Variants in DOCK4 observed in about 807,000 individuals in gnomAD.
DOCK4 encodes dedicator of cytokinesis protein 4.
DOCK4 carries 97 observed loss-of-function variants against 268.1 expected under a neutral mutation model. The observed-to-expected ratio is 0.36, with a 90% CI of 0.31 to 0.43. The LOEUF is 0.43. Among genes scored for constraint, DOCK4 ranks in the 20% least tolerant of loss-of-function variants. DOCK4 has a pLI of 1.00. For missense variants in DOCK4, 2,145 were observed against 2,455.7 expected, an observed-to-expected ratio of 0.87 and a Z score of 2.67; for synonymous variants, 954 against 887.2, an observed-to-expected ratio of 1.08 and a Z score of -1.34.
At chr7:111,824,802 A>C (rs1033338355) in intron 26 of DOCK4, among the ~76,000 whole-genome samples, 1 of 152,188 alleles carries the variant, frequency 6.6e-6, no homozygotes, top group Non-Finnish European at 1.5e-5. Context: ...TTTATCTCCC[A>C]CTATAAAAGG....
At chr7:111,741,991 A>G in intron 45 of DOCK4, 22 bp downstream of exon 45, 1 of 1,545,374 alleles carries the variant, frequency 6.5e-7, no homozygotes, top group Non-Finnish European at 8.7e-7. Context: ...CTGCCCCGCC[A>G]TGGACACCTA....
chr7:111,874,442 T>C lies in DOCK4; in HGVS notation c.1745-1878A>G, dbSNP rs1405765738. Among the ~76,000 whole-genome samples, 6 of 152,100 alleles carry C rather than the reference T, an allele frequency of 3.9e-5. No homozygotes were observed. The South Asian group carries it at 1.2e-3, about 32-fold the overall frequency. ...AAATGAGTCAGGATGAGCCTGCCCA[T>C]CCTCCCTGCAAGAAGGCTGATGAAT... On this transcript the variant is annotated intron_variant, in intron 17 of 52. Coordinates refer to ENST00000428084, the MANE Select transcript of DOCK4 (RefSeq NM_001363540.2).
intron 5 of DOCK4, among the ~76,000 whole-genome samples, chr7:111,993,866 G>T (rs1194538703): frequency 2.0e-5 from 3 of 152,132 alleles, no homozygotes; most frequent in Non-Finnish European, 2.9e-5. Context: ...TATTCAGGAG[G>T]TTCAACAATA....
rs1191261161 is a variant in DOCK4 at position 112,192,196 on chromosome 7, A to G, written c.37+13906T>C. 5.9e-5 allele frequency among the ~76,000 whole-genome samples: 9 copies of G among 151,788 alleles called. No homozygotes were observed. The South Asian group carries it at 8.3e-4, about 14-fold the overall frequency. On this transcript the variant is annotated intron_variant, in intron 1 of 52. Transcript: ENST00000428084. ...CTTTCTTCCTCTGCCCAGTCTTAGAAGGAATCACACACAAAAAAAGATAAA... is the reference window on the plus strand; with the variant it reads ...CTTTCTTCCTCTGCCCAGTCTTAGAGGGAATCACACACAAAAAAAGATAAA...
At chr7:112,153,836 C>T (rs996038198) in intron 1 of DOCK4, among the ~76,000 whole-genome samples, 1 of 152,166 alleles carries the variant, frequency 6.6e-6, no homozygotes, top group African/African-American at 2.4e-5. Context: ...GTGTGCAAGG[C>T]ATCATACCAG....
intron 1 of DOCK4, among the ~76,000 whole-genome samples, chr7:112,066,978 CCA>C (rs370463602): frequency 8.1e-5 from 12 of 147,288 alleles, no homozygotes; most frequent in East Asian, 4.0e-4. Context: ...AACCCCGTCT[CCA>C]CACACACACA....
intron 1 of DOCK4, among the ~76,000 whole-genome samples, chr7:112,087,784 A>G (rs1809238557): frequency 6.6e-6 from 1 of 152,080 alleles, no homozygotes; most frequent in African/African-American, 2.4e-5. Context: ...TGAGACCTAG[A>G]CCATCATATT....
At position 111,926,288 on chromosome 7, in the gene DOCK4, A is replaced by T. The variant is rs182672671; in HGVS notation, c.1066+9252T>A. Among the ~76,000 whole-genome samples, 295 of 128,706 alleles carry T rather than the reference A, an allele frequency of 2.3e-3. 8 individuals are homozygous for T. The highest frequency in any genetic ancestry group is 7.0e-3 in the African/African-American group (232 of 32,932). The allele number at this position is 128,706 out of a possible 152,430, so 84.4% of individuals were successfully genotyped here. A position where few individuals can be genotyped will look rare whatever the true frequency, so the allele number is the denominator to read the frequency against. On this transcript the variant is annotated intron_variant, in intron 12 of 52. Transcript: ENST00000428084. ...AATGAATAAATAAATAAATAAGCCG[A>T]GCATGGTGGCGCGCCGCCTGTAGTT...
At chr7:111,740,602 A>G (rs562268855) in intron 47 of DOCK4, among the ~76,000 whole-genome samples, 14 of 150,726 alleles carry the variant, frequency 9.3e-5, no homozygotes, top group Non-Finnish European at 1.8e-4. Flanking sequence ...GCGTGGTGGT[A>G]CACACCTGTA....
At chr7:112,135,460 A>C (rs762088217) in intron 1 of DOCK4, among the ~76,000 whole-genome samples, 2 of 152,206 alleles carry the variant, frequency 1.3e-5, no homozygotes, top group Non-Finnish European at 2.9e-5. Flanking sequence ...AAGACATGAT[A>C]AATTTATTCC....
chr7:112,099,564 T>A (rs927891411), intron 1 of DOCK4, among the ~76,000 whole-genome samples: 1 of 152,214 alleles, frequency 6.6e-6, no homozygotes, highest in African/African-American at 2.4e-5. Context: ...TGCTGACAAC[T>A]CAGCAACTAT....
intron 2 of DOCK4, among the ~76,000 whole-genome samples, chr7:112,002,426 A>G (rs1800502226): frequency 6.6e-6 from 1 of 152,206 alleles, no homozygotes; most frequent in Non-Finnish European, 1.5e-5. Context: ...TCATGCACCA[A>G]TTCACAATAA....
chr7:111,728,414 A>C lies in DOCK4; in HGVS notation c.5788T>G (p.Ser1930Ala). 6.3e-7 allele frequency: 1 copy of C among 1,575,242 alleles called. No homozygotes were observed. The highest frequency in any genetic ancestry group is 8.6e-7 in the Non-Finnish European group (1 of 1,158,844). ...RRPVPLPHSL[S>A]IPVTSEPPAL... ...GGCGGCTCCGACGTGACGGGGATGG[A>C]GAGGCTGTGAGGTAGCGGGACGGGG... Residue 1930 changes from serine (S) to alanine (A), a missense_variant, in exon 53 of 53, where the codon TCC becomes GCC. Ser to Ala is a moderately conservative substitution (Grantham distance 99). Coordinates refer to ENST00000428084, the MANE Select transcript of DOCK4 (RefSeq NM_001363540.2).
At chr7:111,899,084 A>G (rs1790909427) in intron 15 of DOCK4, among the ~76,000 whole-genome samples, 1 of 152,196 alleles carries the variant, frequency 6.6e-6, no homozygotes, top group African/African-American at 2.4e-5. Context: ...CCTTTACATG[A>G]AACTCTTCTG....
At chr7:111,831,291 C>G (rs935962539) in intron 26 of DOCK4, among the ~76,000 whole-genome samples, 1 of 152,072 alleles carries the variant, frequency 6.6e-6, no homozygotes, top group Non-Finnish European at 1.5e-5. Context: ...TCCTCCCACT[C>G]CTTCACCTTT....
At chr7:111,928,397 T>G (rs563769217) in intron 12 of DOCK4, among the ~76,000 whole-genome samples, 65 of 152,298 alleles carry the variant, frequency 4.3e-4, no homozygotes, top group Admixed American at 7.8e-4. Flanking sequence ...TAATCACTAC[T>G]TCCATTCACA....
chr7:111,811,151 T>C (rs548394580), intron 28 of DOCK4, among the ~76,000 whole-genome samples: 1 of 152,356 alleles, frequency 6.6e-6, no homozygotes, highest in African/African-American at 2.4e-5. Context: ...CTATAAGCTA[T>C]GACATAGACA....
intron 1 of DOCK4, among the ~76,000 whole-genome samples, chr7:112,166,523 G>A (rs1451914425): frequency 6.6e-6 from 1 of 152,158 alleles, no homozygotes; most frequent in Admixed American, 6.5e-5. Context: ...CCCATATCAT[G>A]TCACAGGAGG....
chr7:111,818,161 C>G (rs1801697410), intron 27 of DOCK4, among the ~76,000 whole-genome samples: 1 of 152,212 alleles, frequency 6.6e-6, no homozygotes. Context: ...TGCCCTAGGG[C>G]TCAGTCCTGT....
Sources: gnomAD v4.1 joint callset for allele counts (sites outside exome capture counted in the v4.1 genomes callset) on GRCh38, gnomAD v4.1.1 for gene constraint, MANE v1.5 for transcripts, NCBI Gene and HGNC (gene_info 2026-07-23, HGNC 2026-07-21) for gene names.